Variants in CFAP77 observed in about 807,000 individuals in gnomAD.
CFAP77 encodes cilia- and flagella-associated protein 77.
CFAP77 carries 25 observed loss-of-function variants against 31.1 expected under a neutral mutation model. The observed-to-expected ratio is 0.80, with a 90% CI of 0.59 to 1.12. The LOEUF (loss-of-function observed/expected upper bound fraction) is 1.12, where lower values mean the gene tolerates loss of function less well. Among genes scored for constraint, CFAP77 ranks in the 50% most tolerant of loss-of-function variants. The pLI, the probability that CFAP77 is intolerant of heterozygous loss-of-function variation, is 0.00. For synonymous variants in CFAP77, 151 were observed against 159.9 expected (o/e 0.94, Z 0.42); for missense variants, 377 against 397.3 (o/e 0.95, Z 0.44).
At chr9:132,484,922 C>A (rs1035975584) in intron 1 of CFAP77, among the ~76,000 whole-genome samples, 1 of 150,778 alleles carries the variant, frequency 6.6e-6, no homozygotes, top group Non-Finnish European at 1.5e-5. Context: ...GCTTTTGGGT[C>A]ACTGCAACCT....
intron 3 of CFAP77, among the ~76,000 whole-genome samples, chr9:132,535,356 C>T (rs1353242444): frequency 6.6e-6 from 1 of 152,136 alleles, no homozygotes; most frequent in East Asian, 1.9e-4. Context: ...TTCAGATTTC[C>T]TCATGGTTCT....
At chr9:132,466,876 A>G in intron 1 of CFAP77, among the ~76,000 whole-genome samples, 1 of 152,134 alleles carries the variant, frequency 6.6e-6, no homozygotes, top group East Asian at 1.9e-4. Context: ...CTTTGTTTTC[A>G]TTTCAAATTG....
chr9:132,482,837 G>C (rs1455403789), intron 1 of CFAP77, among the ~76,000 whole-genome samples: 2 of 148,640 alleles, frequency 1.3e-5, no homozygotes, highest in Non-Finnish European at 3.0e-5. Context: ...AGCATTAGGA[G>C]ATATACCTAA....
intron 1 of CFAP77, among the ~76,000 whole-genome samples, chr9:132,464,374 G>A (rs562307245): frequency 2.0e-5 from 3 of 152,014 alleles, no homozygotes; most frequent in Non-Finnish European, 4.4e-5. Context: ...AAAAAAAACC[G>A]GACGAGGCAG....
At chr9:132,456,353 G>A (rs1354486714) in intron 1 of CFAP77, among the ~76,000 whole-genome samples, 2 of 152,130 alleles carry the variant, frequency 1.3e-5, no homozygotes, top group Non-Finnish European at 2.9e-5. Flanking sequence ...GCCTGTGCCT[G>A]TTCCCATTTG....
At chr9:132,533,504 T>G (rs1054982119) in intron 3 of CFAP77, among the ~76,000 whole-genome samples, 1 of 149,642 alleles carries the variant, frequency 6.7e-6, no homozygotes, top group African/African-American at 2.6e-5. Context: ...TGCTGGCGGC[T>G]CCAGGCGTTT....
chr9:132,494,933 T>A (rs1224077622), intron 1 of CFAP77, among the ~76,000 whole-genome samples: 1 of 152,226 alleles, frequency 6.6e-6, no homozygotes, highest in East Asian at 1.9e-4. Flanking sequence ...TACTTTATTA[T>A]GGATATCTTC....
In CFAP77 at chr9:132,499,517, C is replaced by G; in HGVS notation, c.441C>G (p.Ile147Met). The G allele has an allele frequency of 1.2e-6, 2 of 1,614,182 alleles. No homozygotes were observed. Among genetic ancestry groups the G allele is most frequent in the South Asian group, 2.2e-5 (2 of 91,078 alleles). ...ENLLYRQLNDIRISDQDDRRM... is the reference protein window; with the variant it reads ...ENLLYRQLNDMRISDQDDRRM... Reference sequence around the variant, plus strand: ...TGCTCTACCGTCAGCTCAATGACATCCGCATCAGTGACCAGGATGACCGGC... The same window carrying G: ...TGCTCTACCGTCAGCTCAATGACATGCGCATCAGTGACCAGGATGACCGGC... Residue 147 changes from isoleucine (I) to methionine (M), a missense_variant, in exon 3 of 6, where the codon ATC becomes ATG. Transcript: ENST00000393216. This position sits in a 1 kb window ranked among gnomAD's most constrained non-coding sequence, Gnocchi z 5.4.
At chr9:132,483,280 AAAAC>A (rs969026623) in intron 1 of CFAP77, among the ~76,000 whole-genome samples, 6 of 151,958 alleles carry the variant, frequency 3.9e-5, no homozygotes, top group African/African-American at 9.7e-5. Flanking sequence ...TTAAAACAAA[AAAAC>A]AAACAAAACA....
intron 1 of CFAP77, among the ~76,000 whole-genome samples, chr9:132,478,947 G>A (rs118062661): frequency 6.6e-6 from 1 of 152,300 alleles, no homozygotes; most frequent in Non-Finnish European, 1.5e-5. Context: ...TCCAGCCATT[G>A]AATATGACTA....
At chr9:132,523,130 C>T (rs1852299403) in intron 3 of CFAP77, among the ~76,000 whole-genome samples, 1 of 150,892 alleles carries the variant, frequency 6.6e-6, no homozygotes. Flanking sequence ...CTCTGTTGTC[C>T]AGGCTGGAGT....
At chr9:132,420,800 C>T (rs139321818) in intron 1 of CFAP77, among the ~76,000 whole-genome samples, 342 of 152,256 alleles carry the variant, frequency 2.2e-3, no homozygotes, top group African/African-American at 7.7e-3. Context: ...GGGGTAAACC[C>T]ACCTGGATAT....
rs1460933328 is a variant in CFAP77 at position 132,510,520 on chromosome 9, G to C, written c.524+10920G>C. 2.6e-5 allele frequency among the ~76,000 whole-genome samples: 4 copies of C among 152,346 alleles called. No homozygotes were observed. In the East Asian group the frequency reaches 7.7e-4, roughly 29 times the overall value. ...CGGCACCTCCCTGGCACTGCACGAA[G>C]AACCAGGCATCAAGCCCAACACATC... On this transcript the variant is annotated intron_variant, in intron 3 of 5. Transcript: ENST00000393216.
chr9:132,494,702 A>C (rs1393574133), intron 1 of CFAP77, among the ~76,000 whole-genome samples: 1 of 152,208 alleles, frequency 6.6e-6, no homozygotes, highest in East Asian at 1.9e-4. Flanking sequence ...ACTTTCACCA[A>C]GTGCATGAGT....
At position 132,472,455 on chromosome 9, in the gene CFAP77, CA is replaced by C. The variant is rs200772420; in HGVS notation, c.196-26237del. ...CTCATGATGTAGGCAGGTGTGAACA[CA>C]AACATAACCACCATCGTTGGCCAGG... On this transcript the variant is annotated intron_variant, in intron 1 of 5. Coordinates refer to ENST00000393216, the MANE Select transcript of CFAP77 (RefSeq NM_001282957.2). Among the ~76,000 whole-genome samples the C allele has an allele frequency of 3.1e-3, 472 of 152,312 alleles. 6 individuals are homozygous for C. The highest frequency in any genetic ancestry group is 0.01 in the African/African-American group (428 of 41,558).
At chr9:132,476,877 C>T (rs905984041) in intron 1 of CFAP77, among the ~76,000 whole-genome samples, 7 of 152,280 alleles carry the variant, frequency 4.6e-5, no homozygotes, top group East Asian at 1.9e-4. Context: ...TTCTGGCTTC[C>T]GGAGCGGTGA....
Position 132,424,711 on chromosome 9 carries a change from G to A in CFAP77, c.195+14245G>A, listed in dbSNP as rs990225599. On this transcript the variant is annotated intron_variant, in intron 1 of 5. Coordinates refer to ENST00000393216, the MANE Select transcript of CFAP77 (RefSeq NM_001282957.2). This position sits in a 1 kb window ranked among gnomAD's most constrained non-coding sequence, Gnocchi z 4.1. ...TAAAGAAGAGACTCGGGATAAAGAC[G>A]CATAGATACCGGGTTTCCCACGGAT... is the stretch of plus-strand genomic sequence containing the variant. Among the ~76,000 whole-genome samples, 1 of 152,188 alleles carries A rather than the reference G, an allele frequency of 6.6e-6. No homozygotes were observed.
At chr9:132,567,266 G>C (rs1829895845) in intron 5 of CFAP77, among the ~76,000 whole-genome samples, 1 of 152,222 alleles carries the variant, frequency 6.6e-6, no homozygotes, top group African/African-American at 2.4e-5. Context: ...GGGGAATATG[G>C]AACTTGGAAC....
At chr9:132,513,810 T>C (rs746578260) in intron 3 of CFAP77, among the ~76,000 whole-genome samples, 1 of 152,230 alleles carries the variant, frequency 6.6e-6, no homozygotes, top group Non-Finnish European at 1.5e-5. Flanking sequence ...CTCCTCTGCC[T>C]GTGCCGACAA....
Sources: allele counts gnomAD v4.1 joint callset (sites outside exome capture counted in the v4.1 genomes callset), GRCh38; gene constraint gnomAD v4.1.1; non-coding constraint Gnocchi (gnomAD v3.1); transcripts MANE v1.5; gene names NCBI Gene and HGNC (gene_info 2026-07-23, HGNC 2026-07-21).